MARCHF1: variants seen among roughly 807,000 people sequenced by gnomAD.
MARCHF1 encodes the protein membrane associated ring-CH-type finger 1.
Under a neutral mutation model 54.2 loss-of-function variants are expected in MARCHF1, and 40 were observed. The observed-to-expected ratio is 0.74, with a 90% CI of 0.57 to 0.96. The LOEUF (loss-of-function observed/expected upper bound fraction) is 0.96, where lower values mean the gene tolerates loss of function less well. MARCHF1 is among the 40% of genes least tolerant of loss of function. The probability of loss-of-function intolerance (pLI) is 0.00; values close to 1 mark genes in which losing one functional copy is unlikely to be tolerated. For missense variants in MARCHF1, 586 were observed against 656.5 expected (o/e 0.89, Z 1.17); for synonymous variants, 236 against 236.3 (o/e 1.00, Z 0.01).
intron 1 of MARCHF1, among the ~76,000 whole-genome samples, chr4:164,160,701 A>C (rs1730209281): frequency 6.6e-6 from 1 of 152,218 alleles, no homozygotes; most frequent in South Asian, 2.1e-4. Context: ...ACTGACAGTG[A>C]GTGCTTTCTC....
chr4:164,105,216 A>G (rs1755664517), intron 2 of MARCHF1, among the ~76,000 whole-genome samples: 1 of 92,494 alleles, frequency 1.1e-5, no homozygotes, highest in African/African-American at 3.6e-5. Flanking sequence ...ATTCAATGCC[A>G]TCCCCATCAA....
chr4:163,738,626 T>C (rs1746114298), intron 4 of MARCHF1, among the ~76,000 whole-genome samples: 1 of 152,252 alleles, frequency 6.6e-6, no homozygotes. Context: ...TTCAAAATGA[T>C]GTTTTAAGGA....
chr4:163,992,449 T>G (rs894511613), intron 2 of MARCHF1, among the ~76,000 whole-genome samples: 1 of 151,972 alleles, frequency 6.6e-6, no homozygotes, highest in Non-Finnish European at 1.5e-5. Flanking sequence ...TGAGCAACAA[T>G]AAATAATATT....
At chr4:164,242,848 C>T (rs4496544) in intron 1 of MARCHF1, among the ~76,000 whole-genome samples, 112,841 of 149,650 alleles carry the variant, frequency 0.75, 43,499 homozygotes, top group Non-Finnish European at 0.84. Context: ...CCTCAGGAGC[C>T]GATGCGATCA....
intron 5 of MARCHF1, among the ~76,000 whole-genome samples, chr4:163,670,674 G>A (rs565571446): frequency 1.3e-5 from 2 of 151,314 alleles, no homozygotes; most frequent in African/African-American, 4.9e-5. Flanking sequence ...AAGACTTCTT[G>A]CCACCCACTG....
At chr4:164,154,580 C>A (rs1056459125) in intron 1 of MARCHF1, among the ~76,000 whole-genome samples, 3 of 152,184 alleles carry the variant, frequency 2.0e-5, no homozygotes, top group Non-Finnish European at 4.4e-5. Flanking sequence ...AAGCTCAAAC[C>A]CCTTACGGGA....
Position 163,897,636 on chromosome 4 carries a change from A to G in MARCHF1, c.-38-43467T>C, listed in dbSNP as rs541917907. On this transcript the variant is annotated intron_variant, in intron 3 of 9. Coordinates refer to ENST00000514618, the MANE Select transcript of MARCHF1 (RefSeq NM_001394959.1). Reference sequence around the variant, plus strand: ...CAATGGGGAAAGAACACACTATTCAATAAAAGGTGCTGGGAAAAGTGGCTA... The same window carrying G: ...CAATGGGGAAAGAACACACTATTCAGTAAAAGGTGCTGGGAAAAGTGGCTA... Among the ~76,000 whole-genome samples the G allele has an allele frequency of 1.4e-4, 22 of 152,302 alleles. 1 individual carries two copies. The highest frequency in any genetic ancestry group is 5.1e-4 in the African/African-American group (21 of 41,558).
intron 5 of MARCHF1, among the ~76,000 whole-genome samples, chr4:163,686,387 G>A (rs780975900): frequency 4.0e-5 from 6 of 151,128 alleles, no homozygotes; most frequent in South Asian, 4.2e-4. Context: ...GTGAATAAAC[G>A]TAATAGGGAA....
chr4:163,863,612 G>A (rs1460846546), intron 3 of MARCHF1, among the ~76,000 whole-genome samples: 1 of 151,960 alleles, frequency 6.6e-6, no homozygotes, highest in African/African-American at 2.4e-5. Flanking sequence ...ATATGCTTAG[G>A]TTAGTATACA....
At chr4:163,907,977 C>G (rs929294082) in intron 3 of MARCHF1, among the ~76,000 whole-genome samples, 16 of 152,076 alleles carry the variant, frequency 1.1e-4, no homozygotes, top group Non-Finnish European at 1.8e-4. Context: ...CTAAAAGTCT[C>G]AACTCAAGTG....
At chr4:164,346,644 ATATAT>A (rs1730112614) in intron 1 of MARCHF1, among the ~76,000 whole-genome samples, 1 of 29,290 alleles carries the variant, frequency 3.4e-5, no homozygotes, top group Admixed American at 2.8e-4. Context: ...ATATATATAT[ATATAT>A]ATATATATAT....
chr4:164,147,513 G>T (rs145958578), intron 1 of MARCHF1, among the ~76,000 whole-genome samples: 42,887 of 111,514 alleles, frequency 0.38, 9,757 homozygotes, highest in Non-Finnish European at 0.49. Flanking sequence ...ATGAGTTCAT[G>T]TCCTTTGTAG....
chr4:164,074,831 A>C (rs193169123), intron 2 of MARCHF1, among the ~76,000 whole-genome samples: 1 of 151,630 alleles, frequency 6.6e-6, no homozygotes, highest in Non-Finnish European at 1.5e-5. Context: ...TATACATACT[A>C]TATGTAAATT....
chr4:163,905,289 T>C (rs1410800234), intron 3 of MARCHF1, among the ~76,000 whole-genome samples: 1 of 152,038 alleles, frequency 6.6e-6, no homozygotes, highest in Non-Finnish European at 1.5e-5. Flanking sequence ...CAACAAATAC[T>C]TATCGAGTGC....
At chr4:164,007,253 G>A (rs906020524) in intron 2 of MARCHF1, among the ~76,000 whole-genome samples, 4 of 147,808 alleles carry the variant, frequency 2.7e-5, no homozygotes, top group African/African-American at 1.0e-4. Context: ...GGCTGAGGCA[G>A]GAGAATGGCG....
chr4:164,195,571 C>T (rs1731232963), intron 1 of MARCHF1, among the ~76,000 whole-genome samples: 1 of 152,244 alleles, frequency 6.6e-6, no homozygotes, highest in African/African-American at 2.4e-5. Flanking sequence ...TATCTGTGCC[C>T]TCATTCTAGC....
chr4:164,089,411 G>T lies in MARCHF1; in HGVS notation c.-248+22177C>A, dbSNP rs114572382. Among the ~76,000 whole-genome samples, 451 of 152,026 alleles carry T rather than the reference G, an allele frequency of 3.0e-3. 4 individuals carry two copies. The highest frequency in any genetic ancestry group is 0.01 in the African/African-American group (418 of 41,508). On this transcript the variant is annotated intron_variant, in intron 2 of 9. Transcript: ENST00000514618. ...CAAAATTTGTTGAGGTTACTAGATC[G>T]CATGTTCAGTGTTCTTCCCTCAAAA...
At chr4:163,868,612 C>G (rs1750105260) in intron 3 of MARCHF1, among the ~76,000 whole-genome samples, 1 of 151,886 alleles carries the variant, frequency 6.6e-6, no homozygotes, top group Non-Finnish European at 1.5e-5. Flanking sequence ...CCCATACATA[C>G]AAATGTGTAC....
At chr4:164,000,183 C>G (rs1455548649) in intron 2 of MARCHF1, among the ~76,000 whole-genome samples, 2 of 151,464 alleles carry the variant, frequency 1.3e-5, no homozygotes, top group Non-Finnish European at 3.0e-5. Context: ...TACTACTTGG[C>G]CATTTTCCCA....
Sources: allele counts gnomAD v4.1 joint callset (sites outside exome capture counted in the v4.1 genomes callset), GRCh38; gene constraint gnomAD v4.1.1; transcripts MANE v1.5; gene names NCBI Gene and HGNC (gene_info 2026-07-23, HGNC 2026-07-21).